The following CNBD1 variants were observed in gnomAD, a reference collection of about 807,000 sequenced individuals.
The protein encoded by CNBD1 is cyclic nucleotide binding domain containing 1, also known as cyclic nucleotide-binding domain-containing protein 1.
CNBD1 carries 71 observed loss-of-function variants against 54.4 expected under a neutral mutation model. That is an observed-to-expected ratio of 1.30 (90% CI 1.08 to 1.59). The LOEUF is 1.59. CNBD1 is among the 40% of genes most tolerant of loss of function. The pLI, the probability that CNBD1 is intolerant of heterozygous loss-of-function variation, is 0.00. For synonymous variants in CNBD1, 182 were observed against 170.7 expected, an observed-to-expected ratio of 1.07 and a Z score of -0.51; for missense variants, 659 against 518.0, an observed-to-expected ratio of 1.27 and a Z score of -2.64.
intron 2 of CNBD1, among the ~76,000 whole-genome samples, chr8:87,404,912 T>G (rs1375901075): frequency 6.6e-6 from 1 of 152,060 alleles, no homozygotes; most frequent in African/African-American, 2.4e-5. Context: ...TATATATATT[T>G]CTCTGTATGT....
intron 4 of CNBD1, among the ~76,000 whole-genome samples, chr8:87,130,588 G>A (rs1438082622): frequency 6.6e-6 from 1 of 151,930 alleles, no homozygotes; most frequent in Non-Finnish European, 1.5e-5. Context: ...ACCAGCTTGG[G>A]CAACATGGTG....
intron 4 of CNBD1, among the ~76,000 whole-genome samples, chr8:87,139,571 C>T (rs1812330355): frequency 6.6e-6 from 1 of 152,114 alleles, no homozygotes; most frequent in Admixed American, 6.5e-5. Context: ...TGGGAACAGC[C>T]ACCTTGACTG....
At chr8:87,396,453 A>T (rs578119565) in intron 2 of CNBD1, among the ~76,000 whole-genome samples, 1 of 152,028 alleles carries the variant, frequency 6.6e-6, no homozygotes, top group East Asian at 1.9e-4. Context: ...AACATGTGTT[A>T]TTTATAATAC....
intron 4 of CNBD1, among the ~76,000 whole-genome samples, chr8:87,024,960 G>A (rs747404746): frequency 1.7e-4 from 26 of 152,264 alleles, no homozygotes; most frequent in Middle Eastern, 6.8e-3. Flanking sequence ...AACTGACTAA[G>A]AATCAGACAA....
At chr8:87,136,011 A>T (rs1025989403) in intron 4 of CNBD1, among the ~76,000 whole-genome samples, 2 of 152,060 alleles carry the variant, frequency 1.3e-5, no homozygotes, top group African/African-American at 4.8e-5. Flanking sequence ...AAAACCTATA[A>T]TAGAGTATAG....
downstream of CNBD1, among the ~76,000 whole-genome samples, chr8:87,383,049 A>C (rs536445680): frequency 2.0e-5 from 3 of 152,186 alleles, no homozygotes; most frequent in African/African-American, 7.2e-5. Context: ...GATTAAAAAA[A>C]ATCTATAAAG....
At chr8:87,336,926 T>C (rs1809955222) in intron 8 of CNBD1, among the ~76,000 whole-genome samples, 1 of 152,172 alleles carries the variant, frequency 6.6e-6, no homozygotes, top group South Asian at 2.1e-4. Flanking sequence ...TCTGATTGTT[T>C]GTTTTTCTTT....
At chr8:86,985,559 A>T (rs566547394) in intron 4 of CNBD1, among the ~76,000 whole-genome samples, 2 of 152,322 alleles carry the variant, frequency 1.3e-5, no homozygotes, top group South Asian at 4.1e-4. Flanking sequence ...TACAAATGAC[A>T]TGGTTTTATT....
intron 4 of CNBD1, among the ~76,000 whole-genome samples, chr8:87,093,542 C>T (rs1482148156): frequency 1.3e-5 from 2 of 152,112 alleles, no homozygotes; most frequent in African/African-American, 4.8e-5. Flanking sequence ...ACCTACTTTT[C>T]TCAAAGTCTA....
At chr8:87,388,292 T>C (rs2130966421) in intron 2 of CNBD1, among the ~76,000 whole-genome samples, 1 of 152,030 alleles carries the variant, frequency 6.6e-6, no homozygotes, top group Middle Eastern at 3.4e-3. Context: ...AAAAAACCCT[T>C]CAAAAAATCA....
At chr8:87,227,117 T>C (rs1374185934) in intron 5 of CNBD1, among the ~76,000 whole-genome samples, 1 of 152,140 alleles carries the variant, frequency 6.6e-6, no homozygotes, top group African/African-American at 2.4e-5. Flanking sequence ...ATCCTTTTAT[T>C]TTGAGCCCAT....
chr8:87,258,757 C>A (rs1030681333), intron 6 of CNBD1, among the ~76,000 whole-genome samples: 1 of 152,062 alleles, frequency 6.6e-6, no homozygotes, highest in African/African-American at 2.4e-5. Context: ...TTTTTATAAA[C>A]CTTTTATAAC....
chr8:87,358,658 C>T (rs141663842), intron 10 of CNBD1, among the ~76,000 whole-genome samples: 1 of 152,176 alleles, frequency 6.6e-6, no homozygotes, highest in Non-Finnish European at 1.5e-5. Flanking sequence ...CACAAAGTCC[C>T]ATGATATGCT....
At chr8:86,909,275 A>C (rs1809065197) in intron 3 of CNBD1, among the ~76,000 whole-genome samples, 1 of 152,198 alleles carries the variant, frequency 6.6e-6, no homozygotes, top group African/African-American at 2.4e-5. Context: ...GCTAGTTTTT[A>C]TGTAAATAGG....
chr8:86,914,346 T>G lies in CNBD1; in HGVS notation c.272+9152T>G, dbSNP rs1250732912. On this transcript the variant is annotated intron_variant, in intron 3 of 10. Coordinates refer to ENST00000518476, the MANE Select transcript of CNBD1 (RefSeq NM_173538.3). ...AGTCCCTCCGTTCAGGGTCCCTGAC[T>G]TCCCGCAACACATTGTGTTGCAATT... 3.3e-5 allele frequency among the ~76,000 whole-genome samples: 5 copies of G among 152,346 alleles called. No individual in the cohort carries two copies. The South Asian group carries it at 8.3e-4, about 25-fold the overall frequency.
chr8:87,145,696 C>A, intron 4 of CNBD1, among the ~76,000 whole-genome samples: 1 of 152,082 alleles, frequency 6.6e-6, no homozygotes, highest in Admixed American at 6.6e-5. Context: ...TCCTTCTTGA[C>A]TTTAAATGTG....
At chr8:87,160,913 G>A (rs1211846799) in intron 4 of CNBD1, among the ~76,000 whole-genome samples, 1 of 152,062 alleles carries the variant, frequency 6.6e-6, no homozygotes, top group Admixed American at 6.6e-5. Flanking sequence ...CTACAACAGG[G>A]TGTATTTTCT....
chr8:87,319,045 A>G (rs1809462589), intron 8 of CNBD1, among the ~76,000 whole-genome samples: 2 of 152,136 alleles, frequency 1.3e-5, no homozygotes, highest in Admixed American at 1.3e-4. Flanking sequence ...TTAAAATGAG[A>G]TCAACATAAT....
chr8:86,879,596 G>A (rs1808573249), intron 1 of CNBD1, among the ~76,000 whole-genome samples: 1 of 152,206 alleles, frequency 6.6e-6, no homozygotes, highest in African/African-American at 2.4e-5. Context: ...ATGAGGGCAG[G>A]TGCTGTGGCT....
Sources: gnomAD v4.1 joint callset for allele counts (sites outside exome capture counted in the v4.1 genomes callset) on GRCh38, gnomAD v4.1.1 for gene constraint, MANE v1.5 for transcripts, NCBI Gene and HGNC (gene_info 2026-07-23, HGNC 2026-07-21) for gene names.